The following CPLANE1 variants were observed in gnomAD, a reference collection of about 807,000 sequenced individuals.
CPLANE1 encodes ciliogenesis and planar polarity effector 1.
In CPLANE1, 263 loss-of-function variants were observed where a neutral mutation model predicts 362.5. The ratio of observed to expected loss-of-function variants is 0.73; its 90% confidence interval spans 0.66 to 0.80. The LOEUF (loss-of-function observed/expected upper bound fraction) is 0.80, where lower values mean the gene tolerates loss of function less well. Ranked by LOEUF, CPLANE1 falls within the 30% of genes least tolerant of loss-of-function variation. The pLI, the probability that CPLANE1 is intolerant of heterozygous loss-of-function variation, is 0.00. For synonymous variants in CPLANE1, 1,212 were observed against 1,302.6 expected (o/e 0.93, Z 1.50); for missense variants, 3,461 against 3,793.4 (o/e 0.91, Z 2.30).
chr5:37,099,982 T>G, the CPLANE1 span, among the ~76,000 whole-genome samples: 1 of 152,218 alleles, frequency 6.6e-6, no homozygotes, highest in East Asian at 1.9e-4. Flanking sequence ...GTAAATTTGT[T>G]TAAGTTTCTT....
chr5:37,228,245 T>C (rs1438516274), intron 9 of CPLANE1, among the ~76,000 whole-genome samples: 2 of 152,136 alleles, frequency 1.3e-5, no homozygotes, highest in African/African-American at 2.4e-5. Context: ...TTGGAGAGAA[T>C]GGTGGTGAGT....
chr5:37,138,694 T>C (rs1176143141), intron 46 of CPLANE1, 26 bp downstream of exon 46: 2 of 1,593,840 alleles, frequency 1.3e-6, no homozygotes, highest in Non-Finnish European at 1.7e-6. Flanking sequence ...TTTAAACAGG[T>C]TAAAAATGAA....
intron 27 of CPLANE1, 145 bp downstream of exon 27, chr5:37,180,712 G>A (rs1782446350): frequency 1.5e-6 from 1 of 645,470 alleles, no homozygotes. Flanking sequence ...AATTGTTAAA[G>A]CACCTCAGAA....
At position 37,245,759 on chromosome 5, in the gene CPLANE1, A is replaced by G; in HGVS notation, c.168T>C (p.Ser56=). 1 of 1,539,162 alleles carries G rather than the reference A, an allele frequency of 6.5e-7. No homozygotes were observed. The highest frequency in any genetic ancestry group is 1.3e-5 in the South Asian group (1 of 79,694). ...TAACATCCTTCAAGAAAGGCTGCAGACTAGGAATTTTCTTCTTTATCTTTC... is the reference window on the plus strand; with the variant it reads ...TAACATCCTTCAAGAAAGGCTGCAGGCTAGGAATTTTCTTCTTTATCTTTC... ...LSGKIKKKIP[S]LQPFLKDVIV... is the part of the protein sequence containing the mutation. The change falls in exon 3 of 53, where the codon AGT becomes AGC. Residue 56 remains serine, a synonymous_variant. Transcript: ENST00000651892.
At chr5:37,135,300 T>C (rs1372418726) in intron 46 of CPLANE1, among the ~76,000 whole-genome samples, 1 of 152,192 alleles carries the variant, frequency 6.6e-6, no homozygotes, top group African/African-American at 2.4e-5. Flanking sequence ...TTTTTATGCT[T>C]CTATGATCTG....
intron 29 of CPLANE1, 49 bp downstream of exon 29, chr5:37,179,312 C>T (rs374599319): frequency 7.8e-6 from 9 of 1,155,810 alleles, no homozygotes; most frequent in Admixed American, 5.9e-5. Context: ...AATTTAAACA[C>T]TATACAAAAT....
chr5:37,187,439 A>G lies in CPLANE1; in HGVS notation c.4055T>C (p.Ile1352Thr), dbSNP rs759005825. 44 of 1,612,760 alleles carry G rather than the reference A, an allele frequency of 2.7e-5. No homozygotes were observed. In the South Asian group the frequency reaches 3.2e-4, roughly 12 times the overall value. ...ELIQDIILSL[I>T]GELPPIRKVA... ...CTTTCTGATTGGTGGCAGTTCTCCA[A>G]TAAGGCTCAAAATTATATCCTGAAT... The change falls in exon 23 of 53, where the codon ATT (isoleucine) becomes ACT (threonine). Residue 1352 changes from isoleucine to threonine, a missense_variant. By Grantham distance (89) the Ile-to-Thr change is moderately conservative (BLOSUM62 -1). Around this residue, in one of 2 missense-constraint regions of CPLANE1, gnomAD observed 3,380 missense variants for 3,666.1 expected, o/e 0.92. Coordinates refer to ENST00000651892, the MANE Select transcript of CPLANE1 (RefSeq NM_001384732.1).
chr5:37,166,978 T>G, intron 35 of CPLANE1, 69 bp downstream of exon 35: 1 of 1,262,530 alleles, frequency 7.9e-7, no homozygotes, highest in Non-Finnish European at 1.1e-6. Flanking sequence ...CAGATTACTG[T>G]GTGATTATAA....
the CPLANE1 span, chr5:37,085,400 C>T: frequency 4.5e-5 from 53 of 1,174,770 alleles, no homozygotes; most frequent in Non-Finnish European, 4.2e-5. Context: ...GTATTACACC[C>T]GAGGAGGCTA....
chr5:37,198,800 G>T lies in CPLANE1; in HGVS notation c.3574C>A (p.Gln1192Lys). 6.2e-7 allele frequency: 1 copy of T among 1,614,086 alleles called. No individual in the cohort carries two copies. The highest frequency in any genetic ancestry group is 1.1e-5 in the South Asian group (1 of 91,072). ...NNRQKVSGIL[Q>K]RVLLLFRAAQ... ...GCCCGGAAAAGCAGGAGAACACGCT[G>T]AAGGATTCCAGATACCTTCTGGCGA... The change falls in exon 20 of 53, where the codon CAG (glutamine) becomes AAG (lysine). Residue 1192 changes from glutamine (Q) to lysine (K), a missense_variant. This residue lies in a region of CPLANE1 where 3,380 missense variants were observed against 3,666.1 expected (regional missense o/e 0.92). Coordinates refer to ENST00000651892, the MANE Select transcript of CPLANE1 (RefSeq NM_001384732.1).
the CPLANE1 span, among the ~76,000 whole-genome samples, chr5:37,089,729 G>A: frequency 2.0e-5 from 3 of 152,090 alleles, no homozygotes; most frequent in Non-Finnish European, 4.4e-5. Flanking sequence ...GTTTTTATAT[G>A]ATTCCCCTAG....
At chr5:37,248,158 G>A (rs1740436755) in intron 1 of CPLANE1, among the ~76,000 whole-genome samples, 1 of 150,176 alleles carries the variant, frequency 6.7e-6, no homozygotes, top group African/African-American at 2.5e-5. Flanking sequence ...TTGAAGTTTT[G>A]CTCTTGTAGC....
rs1455372537 is a variant in CPLANE1, at chr5:37,183,049, G to C, written c.5132C>G (p.Ser1711Cys). 1.3e-5 allele frequency: 21 copies of C among 1,613,280 alleles called. No individual in the cohort carries two copies. The highest frequency in any genetic ancestry group is 1.5e-5 in the Non-Finnish European group (18 of 1,179,914). ...SSNHIFWTPK[S>C]IKTRRCIFKA... ...GAAAATACATCTTCTAGTTTTAATG[G>C]ACTTGGGAGTCCAAAAAATGTGGTT... Residue 1711 changes from serine to cysteine, a missense_variant, in exon 26 of 53, where the codon TCC (serine) becomes TGC (cysteine). Transcript: ENST00000651892.
the CPLANE1 span, among the ~76,000 whole-genome samples, chr5:37,081,647 G>A: frequency 2.6e-5 from 4 of 151,874 alleles, no homozygotes; most frequent in African/African-American, 7.3e-5. Context: ...TAAGGAGAAT[G>A]GAAAGACAAT....
chr5:37,101,378 T>C (rs1164005068), downstream of CPLANE1, among the ~76,000 whole-genome samples: 2 of 152,206 alleles, frequency 1.3e-5, no homozygotes, highest in East Asian at 1.9e-4. Flanking sequence ...TTGTCTTTCA[T>C]TCTGTTTATG....
intron 15 of CPLANE1, 45 bp downstream of exon 15, chr5:37,221,279 C>G: frequency 1.5e-6 from 2 of 1,336,180 alleles, no homozygotes; most frequent in South Asian, 1.6e-5. Context: ...ATAGGGAGAC[C>G]CTGTCTCTTT....
In CPLANE1 at chr5:37,158,328, C is replaced by A. The variant is rs757802926; in HGVS notation, c.7708G>T (p.Ala2570Ser). Residue 2570 changes from alanine to serine, a missense_variant, in exon 39 of 53, where the codon GCT (alanine) becomes TCT (serine). Transcript: ENST00000651892. ...NTDPEHEPLT[A>S]PQLLVPDVYL... ...ACATCTGGGACCAAGAGCTGAGGAGCAGTCAAAGGCTCATGTTCTGAAAAT... is the reference window on the plus strand; with the variant it reads ...ACATCTGGGACCAAGAGCTGAGGAGAAGTCAAAGGCTCATGTTCTGAAAAT... 16 of 1,613,028 alleles carry A rather than the reference C, an allele frequency of 9.9e-6. No homozygotes were observed. The highest frequency in any genetic ancestry group is 4.5e-5 in the East Asian group (2 of 44,824).
rs1788282147 is a variant in CPLANE1, at chr5:37,198,739, A to G, written c.3635T>C (p.Ile1212Thr). Reference protein sequence around the residue: ...QCSFPVAQWYILQLRWARKVM... With the variant: ...QCSFPVAQWYTLQLRWARKVM... ...TTTTCTTGCCCACCTCAACTGCAATATATACCACTGTGCTACAGGAAAAGA... is the reference window on the plus strand; with the variant it reads ...TTTTCTTGCCCACCTCAACTGCAATGTATACCACTGTGCTACAGGAAAAGA... Residue 1212 changes from isoleucine to threonine, a missense_variant, in exon 20 of 53, where the codon ATA becomes ACA. Ile to Thr is a moderately conservative substitution (Grantham distance 89). This residue lies in a region of CPLANE1 where 3,380 missense variants were observed against 3,666.1 expected (regional missense o/e 0.92). Transcript: ENST00000651892. The G allele has an allele frequency of 1.2e-6, 2 of 1,614,092 alleles. No individual in the cohort carries two copies. The highest frequency in any genetic ancestry group is 1.3e-5 in the African/African-American group (1 of 74,924).
downstream of CPLANE1, among the ~76,000 whole-genome samples, chr5:37,102,983 G>A (rs527419226): frequency 6.6e-6 from 1 of 152,176 alleles, no homozygotes; most frequent in Non-Finnish European, 1.5e-5. Flanking sequence ...AATATTGTCA[G>A]TGGGGTGTTA....
Sources: allele counts gnomAD v4.1 joint callset (sites outside exome capture counted in the v4.1 genomes callset), GRCh38; gene constraint gnomAD v4.1.1; regional missense constraint gnomAD v4.1.1; transcripts MANE v1.5; gene names NCBI Gene and HGNC (gene_info 2026-07-23, HGNC 2026-07-21).